Variants in MEIKIN observed in about 807,000 individuals in gnomAD.
MEIKIN encodes meiosis-specific kinetochore protein.
At chr5:131,818,423 T>TA (rs1773141514) in intron 12 of MEIKIN, among the ~76,000 whole-genome samples, 1 of 152,212 alleles carries the variant, frequency 6.6e-6, no homozygotes, top group South Asian at 2.1e-4. Context: ...GACCAGACTT[T>TA]ATTTTTTTTA....
At chr5:131,930,836 T>C (rs941815533) in intron 5 of MEIKIN, among the ~76,000 whole-genome samples, 6 of 152,162 alleles carry the variant, frequency 3.9e-5, no homozygotes, top group Non-Finnish European at 7.4e-5. Flanking sequence ...AATTCCTATT[T>C]TGTTCTTTTT....
At chr5:131,816,784 T>A (rs1475616852) in intron 12 of MEIKIN, among the ~76,000 whole-genome samples, 2 of 152,226 alleles carry the variant, frequency 1.3e-5, no homozygotes, top group Non-Finnish European at 2.9e-5. Flanking sequence ...ATTATGTGCT[T>A]TCTCCTTGAA....
chr5:131,894,309 G>A (rs1194215184), intron 8 of MEIKIN, among the ~76,000 whole-genome samples: 2 of 152,196 alleles, frequency 1.3e-5, no homozygotes, highest in Non-Finnish European at 2.9e-5. Flanking sequence ...TAGCCTTGTA[G>A]TATAGTTTGA....
chr5:131,893,987 G>C (rs1200630541), intron 8 of MEIKIN, among the ~76,000 whole-genome samples: 4 of 152,132 alleles, frequency 2.6e-5, no homozygotes, highest in Admixed American at 2.6e-4. Flanking sequence ...TCTACGTCAC[G>C]AATGGTATTG....
intron 4 of MEIKIN, among the ~76,000 whole-genome samples, chr5:131,939,588 T>C (rs1334506010): frequency 6.7e-6 from 1 of 148,906 alleles, no homozygotes; most frequent in Non-Finnish European, 1.5e-5. Context: ...AAATCCTTAA[T>C]TAATTTTTCA....
chr5:131,915,802 TA>T (rs926436336), intron 7 of MEIKIN, among the ~76,000 whole-genome samples: 171 of 148,114 alleles, frequency 1.2e-3, no homozygotes, highest in Middle Eastern at 3.5e-3. Context: ...ATGAGTTATT[TA>T]AAAAAAAAAA....
intron 5 of MEIKIN, among the ~76,000 whole-genome samples, chr5:131,922,519 C>T (rs1751521974): frequency 6.6e-6 from 1 of 151,944 alleles, no homozygotes; most frequent in Non-Finnish European, 1.5e-5. Context: ...CATGCAAATA[C>T]CATGCCATTT....
At chr5:131,827,650 G>C (rs972999629) in intron 11 of MEIKIN, among the ~76,000 whole-genome samples, 1 of 152,024 alleles carries the variant, frequency 6.6e-6, no homozygotes, top group Non-Finnish European at 1.5e-5. Flanking sequence ...ATGAAAACAG[G>C]TTCAGTACAC....
chr5:131,831,202 A>G, intron 11 of MEIKIN, among the ~76,000 whole-genome samples: 1 of 152,190 alleles, frequency 6.6e-6, no homozygotes, highest in East Asian at 1.9e-4. Context: ...ACTTTCTAAC[A>G]AGATCCACTA....
intron 8 of MEIKIN, among the ~76,000 whole-genome samples, chr5:131,897,488 C>G (rs1321126249): frequency 1.3e-5 from 2 of 152,188 alleles, no homozygotes; most frequent in African/African-American, 2.4e-5. Flanking sequence ...TGTTTTCCCA[C>G]TTGGTTCCAT....
Position 131,849,580 on chromosome 5 carries a change from T to C in MEIKIN, c.975+1684A>G, listed in dbSNP as rs563246324. On this transcript the variant is annotated intron_variant, in intron 11 of 12. Transcript: ENST00000442687. ...TCTTTATATATATAAAGAAACCTCT[T>C]TTCTTTATATATATAAAGAAACCTC... Among the ~76,000 whole-genome samples the C allele has an allele frequency of 1.5e-3, 179 of 120,994 alleles. 4 individuals are homozygous for C. Among genetic ancestry groups the C allele is most frequent in the African/African-American group, 5.2e-3 (170 of 32,476 alleles). The allele number at this position is 120,994 out of a possible 152,430, so 79.4% of individuals were successfully genotyped here.
At chr5:131,934,437 G>C (rs1271366817) in intron 4 of MEIKIN, among the ~76,000 whole-genome samples, 1 of 152,006 alleles carries the variant, frequency 6.6e-6, no homozygotes, top group African/African-American at 2.4e-5. Context: ...ACTGATTTTT[G>C]ACCAATATGT....
At chr5:131,903,858 A>C (rs977710490) in intron 8 of MEIKIN, among the ~76,000 whole-genome samples, 1 of 152,284 alleles carries the variant, frequency 6.6e-6, no homozygotes, top group African/African-American at 2.4e-5. Context: ...TGGATAAAGA[A>C]ACAAAACCCA....
intron 10 of MEIKIN, among the ~76,000 whole-genome samples, chr5:131,852,689 T>C (rs1020071027): frequency 6.6e-6 from 1 of 152,092 alleles, no homozygotes; most frequent in Non-Finnish European, 1.5e-5. Flanking sequence ...GGGCTGACTA[T>C]TAACGAATAG....
chr5:131,847,146 A>C (rs1246795731), intron 11 of MEIKIN, among the ~76,000 whole-genome samples: 2 of 152,170 alleles, frequency 1.3e-5, no homozygotes, highest in Admixed American at 6.5e-5. Context: ...AGTGAAGGAC[A>C]AAAAAAGATA....
intron 11 of MEIKIN, among the ~76,000 whole-genome samples, chr5:131,821,663 C>A (rs55943558): frequency 0.014 from 976 of 69,100 alleles, 12 homozygotes; most frequent in South Asian, 0.033. Context: ...TTTTGCGAGA[C>A]AAGATTTACT....
intron 4 of MEIKIN, among the ~76,000 whole-genome samples, chr5:131,939,946 G>A (rs570275399): frequency 3.3e-5 from 5 of 152,294 alleles, no homozygotes; most frequent in Non-Finnish European, 7.4e-5. Flanking sequence ...AAGCATTTGA[G>A]ACATTCGACA....
chr5:131,945,440 C>G lies in MEIKIN; in HGVS notation c.66G>C (p.Thr22=), dbSNP rs1357053710. The change falls in exon 1 of 13, where the codon ACG becomes ACC. Residue 22 remains threonine (T), a synonymous_variant. Coordinates refer to ENST00000442687, the MANE Select transcript of MEIKIN (RefSeq NM_001303622.2). ...CCTTCGCTGGAGAGCCTAGGTCTGG[C>G]GTCGGGGTGAGATTGAGCCTCTGAC... ...REGQRLNLTP[T]PDLGSPAKAE... is the part of the protein sequence containing the mutation. 2.5e-6 allele frequency: 1 copy of G among 399,316 alleles called. No homozygotes were observed. Among genetic ancestry groups the G allele is most frequent in the Non-Finnish European group, 4.4e-6 (1 of 226,198 alleles). The allele number at this position is 399,316 out of a possible 1,614,324, so 24.7% of individuals were successfully genotyped here. A position where few individuals can be genotyped will look rare whatever the true frequency, so the allele number is the denominator to read the frequency against.
chr5:131,894,916 G>A (rs1462416394), intron 8 of MEIKIN, among the ~76,000 whole-genome samples: 1 of 152,082 alleles, frequency 6.6e-6, no homozygotes, highest in Non-Finnish European at 1.5e-5. Context: ...GGTTGCCCTG[G>A]CCAGAACTTT....
Sources: allele counts gnomAD v4.1 joint callset (sites outside exome capture counted in the v4.1 genomes callset), GRCh38; gene constraint gnomAD v4.1.1; transcripts MANE v1.5; gene names NCBI Gene and HGNC (gene_info 2026-07-23, HGNC 2026-07-21).